The following PRDM2 variants were observed in gnomAD, a reference collection of about 807,000 sequenced individuals.
The protein encoded by PRDM2 is PR domain zinc finger protein 2.
In PRDM2, 30 loss-of-function variants were observed where a neutral mutation model predicts 130.0. That is an observed-to-expected ratio of 0.23 (90% confidence interval 0.17 to 0.31). PRDM2 has a LOEUF of 0.31. Among genes scored for constraint, PRDM2 ranks in the 10% least tolerant of loss-of-function variants. The pLI is 1.00. For missense variants in PRDM2, 2,011 were observed against 2,108.4 expected, an observed-to-expected ratio of 0.95 and a Z score of 0.90; for synonymous variants, 871 against 782.4, an observed-to-expected ratio of 1.11 and a Z score of -1.89.
At chr1:13,762,737 G>C (rs901812538) in intron 6 of PRDM2, among the ~76,000 whole-genome samples, 32 of 152,336 alleles carry the variant, frequency 2.1e-4, no homozygotes, top group African/African-American at 7.5e-4. Flanking sequence ...GCCAGAGCCT[G>C]TTAGCAAGGC....
At chr1:13,719,043 G>T (rs1043939786) in intron 2 of PRDM2, among the ~76,000 whole-genome samples, 3 of 152,112 alleles carry the variant, frequency 2.0e-5, no homozygotes, top group African/African-American at 7.2e-5. Context: ...TACTCCAAGA[G>T]GGAGACAGTT....
chr1:13,786,605 A>C (rs1644746443), intron 8 of PRDM2: 13 of 1,591,262 alleles, frequency 8.2e-6, no homozygotes, highest in Non-Finnish European at 1.0e-5. Flanking sequence ...ACTACGGCAA[A>C]GGATACGAAA....
At chr1:13,703,302 T>G (rs959402175) in intron 1 of PRDM2, among the ~76,000 whole-genome samples, 8 of 152,214 alleles carry the variant, frequency 5.3e-5, no homozygotes. Flanking sequence ...CTGTCCTCTA[T>G]CAGGGAGATG....
chr1:13,758,424 G>A (rs1187919142), intron 6 of PRDM2, among the ~76,000 whole-genome samples: 1 of 149,248 alleles, frequency 6.7e-6, no homozygotes, highest in Admixed American at 6.7e-5. Context: ...TCCAGCCTGG[G>A]CAGCAGAGTG....
intron 1 of PRDM2, among the ~76,000 whole-genome samples, chr1:13,714,440 A>T (rs998469951): frequency 2.6e-5 from 4 of 151,248 alleles, no homozygotes; most frequent in Non-Finnish European, 5.9e-5. Flanking sequence ...ATACATCCTT[A>T]TGCCAATTAT....
chr1:13,798,442 A>G (rs760762340), intron 8 of PRDM2, among the ~76,000 whole-genome samples: 3 of 151,856 alleles, frequency 2.0e-5, no homozygotes, highest in Non-Finnish European at 4.4e-5. Context: ...TAAGGTTAAG[A>G]ATGCATAATG....
intron 8 of PRDM2, among the ~76,000 whole-genome samples, chr1:13,789,767 G>A (rs995133798): frequency 6.6e-6 from 1 of 152,234 alleles, no homozygotes; most frequent in Non-Finnish European, 1.5e-5. Flanking sequence ...TTAGAGCACA[G>A]GCGGATGAGA....
At position 13,779,406 on chromosome 1, in the gene PRDM2, G is replaced by T. The variant is rs547665346; in HGVS notation, c.1611G>T (p.Val537=). The T allele has an allele frequency of 6.2e-7, 1 of 1,614,144 alleles. No homozygotes were observed. The highest frequency in any genetic ancestry group is 8.5e-7 in the Non-Finnish European group (1 of 1,180,030). The change falls in exon 8 of 10, where the codon GTG becomes GTT. Residue 537 remains valine (V), a synonymous_variant. Transcript: ENST00000311066. The surrounding 1 kb of genome is among the most constrained non-coding windows in gnomAD (Gnocchi z 4.9). ...AACAGGCCCAGGCCACCCAGAACGT[G>T]TATGTACCAAGCACAGAGCCGGAGG... is the stretch of plus-strand genomic sequence containing the variant. ...PAEQAQATQN[V]YVPSTEPEEE...
chr1:13,816,390 TC>T, intron 8 of PRDM2, 36 bp from the exon 9 acceptor site: 1 of 1,612,324 alleles, frequency 6.2e-7, no homozygotes, highest in Non-Finnish European at 8.5e-7. Flanking sequence ...CGGGCTGGGC[TC>T]CTGTGACAAT....
At chr1:13,716,842 C>T (rs1170969503) in intron 2 of PRDM2, among the ~76,000 whole-genome samples, 1 of 151,968 alleles carries the variant, frequency 6.6e-6, no homozygotes, top group African/African-American at 2.4e-5. Context: ...AGGACAAAAC[C>T]CAAAATATGA....
chr1:13,795,524 G>A lies in PRDM2; in HGVS notation c.5036+12693G>A, dbSNP rs2495080. On this transcript the variant is annotated intron_variant, in intron 8 of 9. Transcript: ENST00000311066. The stretch of plus-strand genomic sequence containing the variant: ...GAGCCCCTGGTCACGCCCCTGTGCC[G>A]CCTTCTAGTGGCATGGCCTTTAAGC... Among the ~76,000 whole-genome samples, 659 of 152,302 alleles carry A rather than the reference G, an allele frequency of 4.3e-3. 9 individuals are homozygous for A. The highest frequency in any genetic ancestry group is 0.015 in the African/African-American group (614 of 41,558).
Position 13,775,045 on chromosome 1 carries a change from A to T in PRDM2, c.622+1857A>T, listed in dbSNP as rs139826311. 5.4e-3 allele frequency among the ~76,000 whole-genome samples: 823 copies of T among 152,084 alleles called. 3 individuals are homozygous for T. The highest frequency in any genetic ancestry group is 7.6e-3 in the Non-Finnish European group (514 of 67,996). On this transcript the variant is annotated intron_variant, in intron 7 of 9. Transcript: ENST00000311066. ...GCACAGCTGGTCAAAGTGGTGTCGT[A>T]GGCTTCCGCTGAATGTTCTGCGTTG...
chr1:13,710,180 T>C (rs1642326168), intron 1 of PRDM2, among the ~76,000 whole-genome samples: 1 of 152,224 alleles, frequency 6.6e-6, no homozygotes, highest in Non-Finnish European at 1.5e-5. Context: ...GTTTGTGTCT[T>C]TGTTTAGATA....
At chr1:13,762,707 T>C (rs1644128025) in intron 6 of PRDM2, among the ~76,000 whole-genome samples, 1 of 152,244 alleles carries the variant, frequency 6.6e-6, no homozygotes, top group Non-Finnish European at 1.5e-5. Context: ...TGTGTGCTTC[T>C]GAAAGGCTCC....
chr1:13,717,225 TGGG>T (rs1302193572), intron 2 of PRDM2, among the ~76,000 whole-genome samples: 1 of 152,140 alleles, frequency 6.6e-6, no homozygotes, highest in Non-Finnish European at 1.5e-5. Flanking sequence ...AATGGTGAGA[TGGG>T]GGAGGGAAAA....
chr1:13,713,224 G>A (rs956153292), intron 1 of PRDM2, among the ~76,000 whole-genome samples: 1 of 152,048 alleles, frequency 6.6e-6, no homozygotes, highest in African/African-American at 2.4e-5. Context: ...TTTTACTTAT[G>A]TATTTACTGT....
chr1:13,707,667 A>C (rs1174412334), intron 1 of PRDM2, among the ~76,000 whole-genome samples: 1 of 152,198 alleles, frequency 6.6e-6, no homozygotes, highest in Non-Finnish European at 1.5e-5. Flanking sequence ...GCAAGCACTG[A>C]TTGGAAAACT....
At chr1:13,700,476 C>G (rs928854804) in intron 1 of PRDM2, among the ~76,000 whole-genome samples, 176 bp downstream of exon 1, 1 of 150,198 alleles carries the variant, frequency 6.7e-6, no homozygotes, top group African/African-American at 2.4e-5. Context: ...GGCCCCGGGA[C>G]GAGGCGCGGG....
At chr1:13,810,340 T>C (rs1038749636) in intron 8 of PRDM2, among the ~76,000 whole-genome samples, 6 of 152,206 alleles carry the variant, frequency 3.9e-5, no homozygotes, top group African/African-American at 1.4e-4. Flanking sequence ...AGACTCTGTA[T>C]TTGCCTCAAT....
Sources: gnomAD v4.1 joint callset for allele counts (sites outside exome capture counted in the v4.1 genomes callset) on GRCh38, gnomAD v4.1.1 for gene constraint, Gnocchi (gnomAD v3.1) non-coding constraint, MANE v1.5 for transcripts, NCBI Gene and HGNC (gene_info 2026-07-23, HGNC 2026-07-21) for gene names.